Variants in RPL22 observed in about 807,000 individuals in gnomAD.
RPL22 encodes large ribosomal subunit protein eL22.
A neutral mutation model predicts 16.2 loss-of-function variants in RPL22; 4 were observed. That is an observed-to-expected ratio of 0.25 (90% CI 0.12 to 0.57). The LOEUF (loss-of-function observed/expected upper bound fraction) is 0.57, where lower values mean the gene tolerates loss of function less well. Ranked by LOEUF, RPL22 falls within the 20% of genes least tolerant of loss-of-function variation. The pLI is 0.92. For synonymous variants in RPL22, 43 were observed against 54.8 expected (o/e 0.78, Z 0.95); for missense variants, 83 against 156.1 (o/e 0.53, Z 2.49).
At chr1:6,189,367 C>T (rs1435524871) in intron 3 of RPL22, among the ~76,000 whole-genome samples, 1 of 152,116 alleles carries the variant, frequency 6.6e-6, no homozygotes, top group Non-Finnish European at 1.5e-5. Flanking sequence ...ATATTGTATT[C>T]AGATGAGGTT....
intron 2 of RPL22, among the ~76,000 whole-genome samples, chr1:6,196,979 C>T (rs570510660): frequency 6.6e-6 from 1 of 152,220 alleles, no homozygotes; most frequent in Non-Finnish European, 1.5e-5. Flanking sequence ...ACACACCAAA[C>T]AGCAAGGGGG....
In RPL22 at chr1:6,185,271, C is replaced by T. The variant is rs1406974966; in HGVS notation, c.*1401G>A. The T allele has an allele frequency of 7.5e-6, 3 of 398,854 alleles. No individual in the cohort carries two copies. Among genetic ancestry groups the T allele is most frequent in the Admixed American group, 4.4e-5 (1 of 22,712 alleles). 24.7% of individuals were successfully genotyped at this position (398,854 alleles called of 1,614,324 possible). On this transcript the variant is annotated 3_prime_UTR_variant, in exon 4 of 4. Coordinates refer to ENST00000234875, the MANE Select transcript of RPL22 (RefSeq NM_000983.4). ...AAGTAGAATTTGTAAACTCAAGCCA[C>T]AAACTTAGTTAATAATCATGGTTAA...
rs1465158383 is a variant in RPL22, at chr1:6,199,506, C to T, written c.12+56G>A. The T allele has an allele frequency of 5.4e-5, 83 of 1,544,604 alleles. 2 individuals are homozygous for T. In the South Asian group the frequency reaches 9.4e-4, roughly 18 times the overall value. On this transcript the variant is annotated intron_variant, in intron 1 of 3. Coordinates refer to ENST00000234875, the MANE Select transcript of RPL22 (RefSeq NM_000983.4). ...AGCGAGCCTGGGTAGATGCCGGGCT[C>T]GGCGAGGCCCACGTGCCTCCCCTGG...
chr1:6,191,799 A>C (rs1667654816), intron 3 of RPL22, among the ~76,000 whole-genome samples: 1 of 152,090 alleles, frequency 6.6e-6, no homozygotes, highest in South Asian at 2.1e-4. Flanking sequence ...AGAGTTCGAG[A>C]CCAGCCTGGC....
intron 3 of RPL22, among the ~76,000 whole-genome samples, chr1:6,189,637 A>T (rs1024108494): frequency 1.3e-5 from 2 of 150,188 alleles, no homozygotes; most frequent in Non-Finnish European, 3.0e-5. Flanking sequence ...AACCCTGTAC[A>T]GGCCAGGCAG....
At chr1:6,197,919 G>T in intron 1 of RPL22, 163 bp from the exon 2 acceptor site, 1 of 635,992 alleles carries the variant, frequency 1.6e-6, no homozygotes, top group Non-Finnish European at 2.8e-6. Context: ...CTGCCTGAGT[G>T]CCAGAGGTAT....
At position 6,185,098 on chromosome 1, in the gene RPL22, T is replaced by C; in HGVS notation, c.*1574A>G. The stretch of plus-strand genomic sequence containing the variant: ...TCGATTACAAGAGTTCAAAAAGACA[T>C]AGAAAACCAGTGAGTTTCAATTTTA... On this transcript the variant is annotated 3_prime_UTR_variant, in exon 4 of 4. Transcript: ENST00000234875. 1 of 382,492 alleles carries C rather than the reference T, an allele frequency of 2.6e-6. No individual in the cohort carries two copies. Among genetic ancestry groups the C allele is most frequent in the Non-Finnish European group, 4.6e-6 (1 of 216,774 alleles). 23.7% of individuals were successfully genotyped at this position (382,492 alleles called of 1,614,324 possible).
intron 3 of RPL22, among the ~76,000 whole-genome samples, chr1:6,189,091 C>G (rs1201978235): frequency 6.6e-6 from 1 of 152,130 alleles, no homozygotes; most frequent in Non-Finnish European, 1.5e-5. Flanking sequence ...CAGCATGGAT[C>G]CCTGGCATAT....
intron 2 of RPL22, 52 bp from the exon 3 acceptor site, chr1:6,193,106 C>A (rs1667672525): frequency 6.2e-7 from 1 of 1,604,570 alleles, no homozygotes; most frequent in Admixed American, 1.7e-5. Context: ...TCTGTCTCAA[C>A]AGAATATTTT....
At chr1:6,197,584 A>G in intron 2 of RPL22, 68 bp downstream of exon 2, 2 of 997,060 alleles carry the variant, frequency 2.0e-6, no homozygotes, top group Non-Finnish European at 3.2e-6. Flanking sequence ...AATGTACCCC[A>G]GTAGGTTTTC....
intron 2 of RPL22, among the ~76,000 whole-genome samples, chr1:6,194,154 C>T (rs777681137): frequency 9.2e-5 from 14 of 152,002 alleles, no homozygotes; most frequent in South Asian, 2.1e-4. Context: ...TGCAGTGAGC[C>T]GAGATCACAC....
chr1:6,188,669 C>G (rs746247744), intron 3 of RPL22, among the ~76,000 whole-genome samples: 1 of 152,076 alleles, frequency 6.6e-6, no homozygotes, highest in Non-Finnish European at 1.5e-5. Flanking sequence ...AACACACAAA[C>G]CCACAGCAGA....
chr1:6,194,160 C>G (rs1301351720), intron 2 of RPL22, among the ~76,000 whole-genome samples: 3 of 151,598 alleles, frequency 2.0e-5, no homozygotes, highest in Admixed American at 6.6e-5. Flanking sequence ...GAGCCGAGAT[C>G]ACACCACTGC....
At chr1:6,197,862 A>C in intron 1 of RPL22, 106 bp from the exon 2 acceptor site, 1 of 836,500 alleles carries the variant, frequency 1.2e-6, no homozygotes, top group Non-Finnish European at 2.0e-6. Context: ...TACAAATACA[A>C]AACTAACGGA....
intron 3 of RPL22, among the ~76,000 whole-genome samples, chr1:6,189,418 C>CCGGA (rs1667620948): frequency 6.6e-6 from 1 of 152,056 alleles, no homozygotes; most frequent in Admixed American, 6.6e-5. Flanking sequence ...CCTGACATAG[C>CCGGA]CGGACATGGT....
chr1:6,191,324 C>A (rs867642703), intron 3 of RPL22, among the ~76,000 whole-genome samples: 1 of 136,528 alleles, frequency 7.3e-6, no homozygotes, highest in South Asian at 2.3e-4. Flanking sequence ...CACGCCACTG[C>A]ACTCCAGCCT....
chr1:6,198,552 G>C (rs879159103), intron 1 of RPL22: 3 of 152,156 alleles, frequency 2.0e-5, no homozygotes, highest in African/African-American at 7.2e-5. Context: ...GTACTTTCAC[G>C]TTTAAAAGCT....
chr1:6,197,516 T>C (rs928191237), intron 2 of RPL22, 136 bp downstream of exon 2: 35 of 625,750 alleles, frequency 5.6e-5, no homozygotes, highest in African/African-American at 5.4e-4. Flanking sequence ...CTGCCCACAT[T>C]CCCAGGGTGA....
At chr1:6,196,179 T>G (rs1278584625) in intron 2 of RPL22, among the ~76,000 whole-genome samples, 3 of 152,194 alleles carry the variant, frequency 2.0e-5, no homozygotes, top group Non-Finnish European at 4.4e-5. Context: ...ATAAATGACT[T>G]AAGTTTTCTA....
Sources: gnomAD v4.1 joint callset for allele counts (sites outside exome capture counted in the v4.1 genomes callset) on GRCh38, gnomAD v4.1.1 for gene constraint, MANE v1.5 for transcripts, NCBI Gene and HGNC (gene_info 2026-07-23, HGNC 2026-07-21) for gene names.